CD33: variants seen among roughly 807,000 people sequenced by gnomAD.
CD33 encodes the protein myeloid cell surface antigen CD33.
In CD33, 25 loss-of-function variants were observed where a neutral mutation model predicts 31.4. The observed-to-expected ratio is 0.80, with a 90% confidence interval of 0.58 to 1.11. CD33 has a LOEUF of 1.11. CD33 is among the 50% of genes most tolerant of loss of function. The pLI is 0.00. For synonymous variants in CD33, 176 were observed against 180.6 expected (o/e 0.97, Z 0.20); for missense variants, 407 against 448.1 (o/e 0.91, Z 0.83).
At chr19:51,231,710 G>T (rs1427222588) in intron 4 of CD33, among the ~76,000 whole-genome samples, 10 of 150,412 alleles carry the variant, frequency 6.6e-5, no homozygotes, top group Non-Finnish European at 1.2e-4. Flanking sequence ...TTCACTTCCA[G>T]ATGTAAGACT....
rs763738845 is a variant in CD33 at position 51,226,345 on chromosome 19, G to A, written c.734G>A (p.Gly245Glu). Residue 245 changes from glycine to glutamate, a missense_variant, in exon 4 of 7, where the codon GGA (glycine) becomes GAA (glutamate). Physicochemically the swap from Gly to Glu is moderately conservative, Grantham distance 98. Coordinates refer to ENST00000262262, the MANE Select transcript of CD33 (RefSeq NM_001772.4). ...PQNPTTGIFP[G>E]DGSGKQETRA... ...AACCCAACAACTGGTATCTTTCCAGGAGATGGCTCAGGTAGGAAGGAGCCT... is the reference window on the plus strand; with the variant it reads ...AACCCAACAACTGGTATCTTTCCAGAAGATGGCTCAGGTAGGAAGGAGCCT... 3 of 1,613,776 alleles carry A rather than the reference G, an allele frequency of 1.9e-6. No homozygotes were observed. The East Asian group carries it at 6.7e-5, about 36-fold the overall frequency.
At chr19:51,232,175 G>T (rs963010999) in intron 4 of CD33, among the ~76,000 whole-genome samples, 9 of 152,092 alleles carry the variant, frequency 5.9e-5, no homozygotes, top group Non-Finnish European at 1.2e-4. Flanking sequence ...GCTTTTCTGG[G>T]TATAGTATTT....
Position 51,225,857 on chromosome 19 carries a change from C to G in CD33, c.473C>G (p.Ser158Cys). ...LIPGTLEPGH[S>C]KNLTCSVSWA... ...CCTGGCACTCTAGAACCCGGCCACTCCAAAAACCTGACCTGCTCTGTGTCC... is the reference window on the plus strand; with the variant it reads ...CCTGGCACTCTAGAACCCGGCCACTGCAAAAACCTGACCTGCTCTGTGTCC... The change falls in exon 3 of 7, where the codon TCC (serine) becomes TGC (cysteine). Residue 158 changes from serine to cysteine, a missense_variant. By Grantham distance (112) the Ser-to-Cys change is moderately radical (BLOSUM62 -1). Transcript: ENST00000262262. 1 of 1,614,070 alleles carries G rather than the reference C, an allele frequency of 6.2e-7. No individual in the cohort carries two copies. Among genetic ancestry groups the G allele is most frequent in the Non-Finnish European group, 8.5e-7 (1 of 1,179,988 alleles).
chr19:51,217,072 G>A, the CD33 span, among the ~76,000 whole-genome samples: 2 of 152,176 alleles, frequency 1.3e-5, no homozygotes, highest in African/African-American at 4.8e-5. Context: ...GGCCACACAG[G>A]AACCTAGAGC....
At chr19:51,211,121 C>G in the CD33 span, 1 of 1,593,542 alleles carries the variant, frequency 6.3e-7, no homozygotes, top group African/African-American at 1.3e-5. Flanking sequence ...GCCACTGCTG[C>G]TACTGCTGCC....
At chr19:51,212,361 A>T in the CD33 span, among the ~76,000 whole-genome samples, 3 of 152,088 alleles carry the variant, frequency 2.0e-5, no homozygotes, top group African/African-American at 7.2e-5. Context: ...CACAGGTAGG[A>T]TAGAAACTCC....
intron 4 of CD33, among the ~76,000 whole-genome samples, chr19:51,230,810 G>A (rs1308692023): frequency 6.6e-6 from 1 of 152,186 alleles, no homozygotes; most frequent in Non-Finnish European, 1.5e-5. Flanking sequence ...GGCTGAGGCA[G>A]GGCTTGCTTG....
rs750523787 is a variant in CD33, at chr19:51,225,463, G to A, written c.283G>A (p.Asp95Asn). ...ETQGRFRLLG[D>N]PSRNNCSLSI... is the part of the protein sequence containing the mutation. ...TCAGGGCAGATTCCGCCTCCTTGGGGATCCCAGTAGGAACAACTGCTCCCT... is the reference window on the plus strand; with the variant it reads ...TCAGGGCAGATTCCGCCTCCTTGGGAATCCCAGTAGGAACAACTGCTCCCT... Residue 95 changes from aspartate (D) to asparagine (N), a missense_variant, in exon 2 of 7, where the codon GAT becomes AAT. Asp to Asn is a conservative substitution (Grantham distance 23, BLOSUM62 1). Coordinates refer to ENST00000262262, the MANE Select transcript of CD33 (RefSeq NM_001772.4). 6.2e-7 allele frequency: 1 copy of A among 1,614,014 alleles called. No individual in the cohort carries two copies. Among genetic ancestry groups the A allele is most frequent in the Non-Finnish European group, 8.5e-7 (1 of 1,179,918 alleles).
At chr19:51,226,200 A>C in intron 3 of CD33, 109 bp from the exon 4 acceptor site, 2 of 1,487,556 alleles carry the variant, frequency 1.3e-6, no homozygotes, top group Non-Finnish European at 1.9e-6. Flanking sequence ...GAAGGACATG[A>C]GCCCTGTCCC....
chr19:51,216,314 AT>A, the CD33 span, among the ~76,000 whole-genome samples: 1 of 151,596 alleles, frequency 6.6e-6, no homozygotes, highest in African/African-American at 2.4e-5. Context: ...TCATTAATCT[AT>A]AGATTCTTTG....
intron 4 of CD33, 28 bp from the exon 5 acceptor site, chr19:51,235,129 A>G: frequency 6.3e-7 from 1 of 1,581,630 alleles, no homozygotes; most frequent in Non-Finnish European, 8.7e-7. Context: ...CTAGATTAGA[A>G]TTCACCCCAA....
rs770795199 is a variant in CD33 at position 51,225,276 on chromosome 19, G to A, written c.96G>A (p.Gln32=). The change falls in exon 2 of 7, where the codon CAG becomes CAA. Residue 32 remains glutamine (Q), a synonymous_variant. Coordinates refer to ENST00000262262, the MANE Select transcript of CD33 (RefSeq NM_001772.4). ...WLQVQESVTV[Q]EGLCVLVPCT... ...AAGTGCAGGAGTCAGTGACGGTACA[G>A]GAGGGTTTGTGCGTCCTCGTGCCCT... is the stretch of plus-strand genomic sequence containing the variant. The A allele has an allele frequency of 4.3e-6, 7 of 1,614,172 alleles. No homozygotes were observed. The South Asian group carries it at 6.6e-5, about 15-fold the overall frequency.
At position 51,225,153 on chromosome 19, in the gene CD33, C is replaced by T; in HGVS notation, c.35C>T (p.Ala12Val). Reference protein sequence around the residue: ...PLLLLLPLLWAGALAMDPNFW... With the variant: ...PLLLLLPLLWVGALAMDPNFW... The stretch of plus-strand genomic sequence containing the variant: ...CTGCTACTGCTGCCCCTGCTGTGGG[C>T]AGGTGAGTGGCTGTGGGGAGAGGGG... Residue 12 changes from alanine to valine, a missense_variant and splice_region_variant, in exon 1 of 7, where the codon GCA becomes GTA. By Grantham distance (64) the Ala-to-Val change is moderately conservative. Transcript: ENST00000262262. 2 of 1,613,890 alleles carry T rather than the reference C, an allele frequency of 1.2e-6. No individual in the cohort carries two copies. The highest frequency in any genetic ancestry group is 1.7e-6 in the Non-Finnish European group (2 of 1,179,964).
chr19:51,239,097 T>G (rs1981994049), intron 6 of CD33: 1 of 154,428 alleles, frequency 6.5e-6, no homozygotes, highest in African/African-American at 2.4e-5. Flanking sequence ...GGGCCCCTGC[T>G]CTGCTCTGCT....
the CD33 span, among the ~76,000 whole-genome samples, chr19:51,218,518 C>T: frequency 3.3e-5 from 5 of 152,082 alleles, no homozygotes; most frequent in Non-Finnish European, 7.4e-5. Flanking sequence ...TATGCAGAAG[C>T]TTTTTAGTTT....
chr19:51,239,808 A>G lies in CD33; in HGVS notation c.*120A>G. On this transcript the variant is annotated 3_prime_UTR_variant, in exon 7 of 7. Coordinates refer to ENST00000262262, the MANE Select transcript of CD33 (RefSeq NM_001772.4). ...GCAATGGGTTTATAGACATTATGTG[A>G]GTTTCCTGCTATATTAACATCATCT... 1 of 661,994 alleles carries G rather than the reference A, an allele frequency of 1.5e-6. No individual in the cohort carries two copies. Among genetic ancestry groups the G allele is most frequent in the Non-Finnish European group, 2.4e-6 (1 of 411,934 alleles). 41.0% of individuals were successfully genotyped at this position (661,994 alleles called of 1,614,324 possible).
At chr19:51,227,579 C>A (rs1004319346) in intron 4 of CD33, among the ~76,000 whole-genome samples, 3 of 152,008 alleles carry the variant, frequency 2.0e-5, no homozygotes, top group Admixed American at 1.3e-4. Flanking sequence ...GGTTTCTTTG[C>A]CATTGAGATG....
At chr19:51,218,430 C>G in the CD33 span, among the ~76,000 whole-genome samples, 6 of 152,212 alleles carry the variant, frequency 3.9e-5, no homozygotes, top group Admixed American at 3.3e-4. Flanking sequence ...ATATTAGTCT[C>G]TTATCAGATT....
At chr19:51,218,175 C>A in the CD33 span, among the ~76,000 whole-genome samples, 2 of 152,242 alleles carry the variant, frequency 1.3e-5, no homozygotes, top group Non-Finnish European at 2.9e-5. Context: ...TTCTCCACAT[C>A]CTCACCAACA....
Sources: allele counts gnomAD v4.1 joint callset (sites outside exome capture counted in the v4.1 genomes callset), GRCh38; gene constraint gnomAD v4.1.1; transcripts MANE v1.5; gene names NCBI Gene and HGNC (gene_info 2026-07-23, HGNC 2026-07-21).